CLEC4A: variants seen among roughly 807,000 people sequenced by gnomAD.
The protein encoded by CLEC4A is C-type lectin domain family 4 member A, also known as C-type (calcium dependent, carbohydrate-recognition domain) lectin, superfamily member 6.
In CLEC4A, 27 loss-of-function variants were observed where a neutral mutation model predicts 32.7. The observed-to-expected ratio is 0.83, with a 90% confidence interval of 0.61 to 1.14. The LOEUF (loss-of-function observed/expected upper bound fraction) is 1.14, where lower values mean the gene tolerates loss of function less well. CLEC4A is among the 50% of genes most tolerant of loss of function. The probability of loss-of-function intolerance (pLI) is 0.00; values close to 1 mark genes in which losing one functional copy is unlikely to be tolerated. For synonymous variants in CLEC4A, 89 were observed against 93.7 expected (o/e 0.95, Z 0.29); for missense variants, 253 against 274.6 (o/e 0.92, Z 0.55).
the CLEC4A span, among the ~76,000 whole-genome samples, chr12:8,116,201 A>G: frequency 1.3e-5 from 2 of 152,028 alleles, no homozygotes; most frequent in African/African-American, 2.4e-5. Context: ...ACCTCAAATG[A>G]CCCACCTGTC....
the CLEC4A span, among the ~76,000 whole-genome samples, chr12:8,103,371 C>CTTTTTTTTTT: frequency 2.0e-4 from 10 of 49,028 alleles, no homozygotes; most frequent in Non-Finnish European, 3.7e-4. Context: ...TTGTTTCTTT[C>CTTTTTTTTTT]TGTTGTTTTT....
At chr12:8,125,172 T>C (rs1037628916) in intron 1 of CLEC4A, among the ~76,000 whole-genome samples, 4 of 149,628 alleles carry the variant, frequency 2.7e-5, no homozygotes, top group African/African-American at 9.7e-5. Context: ...AATATAATGG[T>C]ATGAAAAATG....
chr12:8,111,794 A>T, the CLEC4A span, among the ~76,000 whole-genome samples: 5 of 152,146 alleles, frequency 3.3e-5, no homozygotes, highest in African/African-American at 1.2e-4. Context: ...TTAAATGAAA[A>T]ATTTAAAGGA....
intron 3 of CLEC4A, chr12:8,134,986 G>GTTTTTTTTTTTTTTTTTT (rs1482435797): frequency 5.8e-5 from 8 of 138,898 alleles, no homozygotes; most frequent in African/African-American, 3.7e-4. Flanking sequence ...TTTGTTTTTT[G>GTTTTTTTTTTTTTTTTTT]TTTTTTTTTA....
chr12:8,130,336 GAATTATTTA>G (rs1228474828), intron 3 of CLEC4A, among the ~76,000 whole-genome samples: 6 of 151,730 alleles, frequency 4.0e-5, no homozygotes, highest in East Asian at 1.9e-4. Flanking sequence ...TTATGGATGT[GAATTATTTA>G]AATTATTTAA....
At chr12:8,117,172 G>A in the CLEC4A span, among the ~76,000 whole-genome samples, 1 of 151,728 alleles carries the variant, frequency 6.6e-6, no homozygotes, top group Non-Finnish European at 1.5e-5. Context: ...AGTGCCATAA[G>A]AAGCAACTAT....
At chr12:8,130,906 T>C (rs1179323767) in intron 3 of CLEC4A, among the ~76,000 whole-genome samples, 1 of 152,168 alleles carries the variant, frequency 6.6e-6, no homozygotes, top group African/African-American at 2.4e-5. Flanking sequence ...TTTTCTGTAA[T>C]AGGATCCCCA....
At chr12:8,106,474 T>G in the CLEC4A span, among the ~76,000 whole-genome samples, 771 of 152,364 alleles carry the variant, frequency 5.1e-3, 6 homozygotes, top group African/African-American at 0.017. Context: ...ATAAATTGCT[T>G]TGGGCAGTAT....
upstream of CLEC4A, chr12:8,121,407 C>A (rs1298538555): frequency 6.6e-6 from 1 of 152,210 alleles, no homozygotes; most frequent in Non-Finnish European, 1.5e-5. Flanking sequence ...ATTCCCCTTT[C>A]CCTTTTCTTA....
the CLEC4A span, among the ~76,000 whole-genome samples, chr12:8,103,072 A>G: frequency 1.3e-5 from 2 of 152,172 alleles, no homozygotes; most frequent in East Asian, 3.9e-4. Context: ...ATTTGATACT[A>G]CTTGTCTTGT....
chr12:8,137,834 A>G (rs2120649461), intron 5 of CLEC4A, among the ~76,000 whole-genome samples: 1 of 152,340 alleles, frequency 6.6e-6, no homozygotes, highest in Admixed American at 6.5e-5. Context: ...AGGACACCCT[A>G]TAGGTTGATG....
intron 2 of CLEC4A, among the ~76,000 whole-genome samples, chr12:8,128,831 C>T (rs373900601): frequency 5.3e-5 from 8 of 152,260 alleles, no homozygotes; most frequent in Non-Finnish European, 1.2e-4. Context: ...ATAATGCCCT[C>T]TTGATCCATG....
At chr12:8,108,796 C>A in the CLEC4A span, among the ~76,000 whole-genome samples, 1 of 152,110 alleles carries the variant, frequency 6.6e-6, no homozygotes, top group Admixed American at 6.6e-5. Context: ...ATGTTCTGCC[C>A]CATCAATCTA....
chr12:8,138,416 T>G lies in CLEC4A; in HGVS notation c.*129T>G. 1.8e-6 allele frequency: 2 copies of G among 1,104,608 alleles called. No individual in the cohort carries two copies. The highest frequency in any genetic ancestry group is 2.6e-6 in the Non-Finnish European group (2 of 762,546). 68.4% of individuals were successfully genotyped at this position (1,104,608 alleles called of 1,614,324 possible). On this transcript the variant is annotated 3_prime_UTR_variant, in exon 6 of 6. Coordinates refer to ENST00000229332, the MANE Select transcript of CLEC4A (RefSeq NM_016184.4). ...GGTGGTCTGTCAACTATTCTACTTA[T>G]GAGAGAATTGGTCTGTACATTGACT...
At chr12:8,122,731 T>C (rs1273599892), upstream of CLEC4A, among the ~76,000 whole-genome samples, 1 of 152,114 alleles carries the variant, frequency 6.6e-6, no homozygotes, top group Non-Finnish European at 1.5e-5. Context: ...CTTGTGGTGT[T>C]AGATTGGAAT....
At chr12:8,110,108 CAACT>C in the CLEC4A span, among the ~76,000 whole-genome samples, 1 of 152,056 alleles carries the variant, frequency 6.6e-6, no homozygotes, top group African/African-American at 2.4e-5. Context: ...AACCCCAAAC[CAACT>C]GTCTTCTTAT....
intron 3 of CLEC4A, chr12:8,134,986 G>GTTTTTTTTTTTTTTTTTTTTTTTTTTT (rs1482435797): frequency 4.3e-5 from 6 of 138,868 alleles, no homozygotes; most frequent in Admixed American, 2.4e-4. Context: ...TTTGTTTTTT[G>GTTTTTTTTTTTTTTTTTTTTTTTTTTT]TTTTTTTTTA....
chr12:8,111,188 T>C, the CLEC4A span, among the ~76,000 whole-genome samples: 19 of 144,652 alleles, frequency 1.3e-4, no homozygotes, highest in African/African-American at 4.9e-4. Context: ...CTTTTTTTTT[T>C]TTTTTTTTTT....
intron 5 of CLEC4A, among the ~76,000 whole-genome samples, chr12:8,137,505 C>T (rs1249045822): frequency 2.0e-5 from 3 of 152,152 alleles, no homozygotes; most frequent in East Asian, 1.9e-4. Context: ...TCTTATATCT[C>T]ATATTTATGT....
Sources: allele counts gnomAD v4.1 joint callset (sites outside exome capture counted in the v4.1 genomes callset), GRCh38; gene constraint gnomAD v4.1.1; transcripts MANE v1.5; gene names NCBI Gene and HGNC (gene_info 2026-07-23, HGNC 2026-07-21).